MTX2: variants seen among roughly 807,000 people sequenced by gnomAD.
MTX2 encodes the protein metaxin-2.
MTX2 carries 35 observed loss-of-function variants against 42.3 expected under a neutral mutation model. The observed-to-expected ratio is 0.83, with a 90% CI of 0.63 to 1.10. The LOEUF (loss-of-function observed/expected upper bound fraction) is 1.10. Ranked by LOEUF, MTX2 falls within the 50% of genes least tolerant of loss-of-function variation. MTX2 has a pLI of 0.00. For missense variants in MTX2, 307 were observed against 304.1 expected (o/e 1.01, Z -0.07); for synonymous variants, 119 against 100.9 (o/e 1.18, Z -1.08).
intron 9 of MTX2, among the ~76,000 whole-genome samples, chr2:176,334,439 C>CCTCAG (rs1684940082): frequency 6.6e-6 from 1 of 151,870 alleles, no homozygotes; most frequent in Non-Finnish European, 1.5e-5. Context: ...TCACCAAGTG[C>CCTCAG]CTCAGCTCAG....
At chr2:176,323,776 T>C (rs1488512554) in intron 4 of MTX2, among the ~76,000 whole-genome samples, 2 of 151,722 alleles carry the variant, frequency 1.3e-5, no homozygotes, top group African/African-American at 4.8e-5. Context: ...TACATAAGAC[T>C]TTCCTGTTGA....
At chr2:176,310,903 A>G (rs986404705) in intron 3 of MTX2, among the ~76,000 whole-genome samples, 1 of 152,140 alleles carries the variant, frequency 6.6e-6, no homozygotes, top group Non-Finnish European at 1.5e-5. Flanking sequence ...ACTTCTGTCA[A>G]CTTGTGAAAG....
intron 1 of MTX2, among the ~76,000 whole-genome samples, chr2:176,292,141 A>G (rs1693343276): frequency 6.6e-6 from 1 of 152,130 alleles, no homozygotes; most frequent in Non-Finnish European, 1.5e-5. Context: ...CCCCTTTTTT[A>G]GAAACTTTCA....
At chr2:176,319,442 CTTT>C (rs71004269) in intron 3 of MTX2, among the ~76,000 whole-genome samples, 27 of 130,546 alleles carry the variant, frequency 2.1e-4, no homozygotes, top group Admixed American at 2.3e-4. Flanking sequence ...TTTGGCTTTG[CTTT>C]TTTTTTTTTT....
chr2:176,331,521 G>A (rs1684864083), intron 9 of MTX2, among the ~76,000 whole-genome samples: 1 of 151,090 alleles, frequency 6.6e-6, no homozygotes, highest in Non-Finnish European at 1.5e-5. Flanking sequence ...TTTGGGTAAA[G>A]ATAATATTTG....
intron 1 of MTX2, among the ~76,000 whole-genome samples, chr2:176,285,840 GAAC>G (rs1693186731): frequency 6.6e-6 from 1 of 152,136 alleles, no homozygotes; most frequent in South Asian, 2.1e-4. Context: ...ATGCTGCTAT[GAAC>G]ATTTGTATAT....
intron 9 of MTX2, among the ~76,000 whole-genome samples, chr2:176,331,731 T>C (rs1476788863): frequency 6.6e-6 from 1 of 151,250 alleles, no homozygotes; most frequent in Non-Finnish European, 1.5e-5. Flanking sequence ...TGATGTTTGC[T>C]CTACAGATTC....
chr2:176,314,413 G>C (rs561718078), intron 3 of MTX2, among the ~76,000 whole-genome samples: 2 of 151,506 alleles, frequency 1.3e-5, no homozygotes, highest in Non-Finnish European at 2.9e-5. Flanking sequence ...CTCCAGCCTG[G>C]GTGACAGAGC....
At chr2:176,317,722 G>A (rs1684480955) in intron 3 of MTX2, among the ~76,000 whole-genome samples, 1 of 152,042 alleles carries the variant, frequency 6.6e-6, no homozygotes, top group Non-Finnish European at 1.5e-5. Flanking sequence ...TGTGAACCTC[G>A]ATCAGTATGT....
rs773091648 is a variant in MTX2 at position 176,297,924 on chromosome 2, T to A, written c.135+29T>A. 2.0e-6 allele frequency: 3 copies of A among 1,512,372 alleles called. No individual in the cohort carries two copies. The Admixed American group carries it at 5.6e-5, about 28-fold the overall frequency. 93.7% of individuals were successfully genotyped at this position (1,512,372 alleles called of 1,614,324 possible). A position where few individuals can be genotyped will look rare whatever the true frequency, so the allele number is the denominator to read the frequency against. ...AATATGTAAATAATGTAATATCTTTTTCACCCCCTAGGTGGTTTGCATCAT... is the reference window on the plus strand; with the variant it reads ...AATATGTAAATAATGTAATATCTTTATCACCCCCTAGGTGGTTTGCATCAT... On this transcript the variant is annotated intron_variant, in intron 3 of 9. Transcript: ENST00000249442.
chr2:176,310,248 G>C (rs1684269551), intron 3 of MTX2, among the ~76,000 whole-genome samples: 1 of 139,882 alleles, frequency 7.1e-6, no homozygotes, highest in Non-Finnish European at 1.5e-5. Flanking sequence ...GTCTCTTCTG[G>C]TTTGTAGGGT....
At chr2:176,317,049 A>AAC (rs1553474456) in intron 3 of MTX2, among the ~76,000 whole-genome samples, 2 of 151,520 alleles carry the variant, frequency 1.3e-5, no homozygotes, top group Non-Finnish European at 2.9e-5. Flanking sequence ...AAAAAAAAAA[A>AAC]AACAAAAACT....
intron 1 of MTX2, among the ~76,000 whole-genome samples, chr2:176,288,923 G>T (rs1278295436): frequency 6.6e-6 from 1 of 151,518 alleles, no homozygotes; most frequent in Non-Finnish European, 1.5e-5. Flanking sequence ...TTTTTTTTAG[G>T]TCATAGCACT....
At chr2:176,283,088 A>G (rs1693119471) in intron 1 of MTX2, among the ~76,000 whole-genome samples, 1 of 152,184 alleles carries the variant, frequency 6.6e-6, no homozygotes, top group Admixed American at 6.5e-5. Context: ...GAATAGGTTA[A>G]CCAGTTTGGC....
intron 1 of MTX2, chr2:176,270,464 GAAATT>G: frequency 7.9e-7 from 1 of 1,270,708 alleles, no homozygotes; most frequent in Non-Finnish European, 1.1e-6. Flanking sequence ...TGTAATGAAA[GAAATT>G]AAATATTGTT....
intron 3 of MTX2, among the ~76,000 whole-genome samples, chr2:176,317,046 A>AC (rs1159892106): frequency 6.6e-6 from 1 of 151,514 alleles, no homozygotes; most frequent in Non-Finnish European, 1.5e-5. Context: ...TTTAAAAAAA[A>AC]AAAAACAAAA....
At chr2:176,307,295 G>A (rs1684176526) in intron 3 of MTX2, among the ~76,000 whole-genome samples, 1 of 152,182 alleles carries the variant, frequency 6.6e-6, no homozygotes, top group South Asian at 2.1e-4. Context: ...GTACCATGCT[G>A]TTTTTGTTAC....
intron 3 of MTX2, 37 bp downstream of exon 3, chr2:176,297,932 CT>C (rs767146652): frequency 6.0e-5 from 88 of 1,475,926 alleles, no homozygotes; most frequent in Non-Finnish European, 7.7e-5. Flanking sequence ...TTTTCACCCC[CT>C]AGGTGGTTTG....
chr2:176,324,197 CTGAT>C (rs776883904), intron 4 of MTX2, among the ~76,000 whole-genome samples: 2 of 151,222 alleles, frequency 1.3e-5, no homozygotes, highest in Non-Finnish European at 1.5e-5. Flanking sequence ...TTAAGTATAA[CTGAT>C]TGGTATAAGT....
Sources: gnomAD v4.1 joint callset for allele counts (sites outside exome capture counted in the v4.1 genomes callset) on GRCh38, gnomAD v4.1.1 for gene constraint, MANE v1.5 for transcripts, NCBI Gene and HGNC (gene_info 2026-07-23, HGNC 2026-07-21) for gene names.